Variants in LPP observed in about 807,000 individuals in gnomAD.
The protein encoded by LPP is LIM domain containing preferred translocation partner in lipoma.
LPP carries 38 observed loss-of-function variants against 60.4 expected under a neutral mutation model. The ratio of observed to expected loss-of-function variants is 0.63; its 90% CI spans 0.49 to 0.83. The LOEUF (loss-of-function observed/expected upper bound fraction) is 0.83, where lower values mean the gene tolerates loss of function less well. LPP is among the 40% of genes least tolerant of loss of function. The pLI, the probability that LPP is intolerant of heterozygous loss-of-function variation, is 0.00. For missense variants in LPP, 902 were observed against 783.6 expected, an observed-to-expected ratio of 1.15 and a Z score of -1.80; for synonymous variants, 328 against 290.8, an observed-to-expected ratio of 1.13 and a Z score of -1.30.
rs773185256 is a variant in LPP, at chr3:188,836,604, T to G, written c.1411-29596T>G. 3.3e-5 allele frequency among the ~76,000 whole-genome samples: 5 copies of G among 152,232 alleles called. 1 individual carries two copies. Among genetic ancestry groups the G allele is most frequent in the Non-Finnish European group, 7.3e-5 (5 of 68,032 alleles). On this transcript the variant is annotated intron_variant, in intron 9 of 11. Coordinates refer to ENST00000617246, the MANE Select transcript of LPP (RefSeq NM_001375462.1). ...TGAATGCATGGATGAATTTTTCAGT[T>G]TGATTCCGTGAGCTGCTTAATTCTA...
At chr3:188,441,507 A>G (rs1452291496) in intron 4 of LPP, among the ~76,000 whole-genome samples, 1 of 151,224 alleles carries the variant, frequency 6.6e-6, no homozygotes, top group Admixed American at 6.6e-5. Context: ...TCTGATTACT[A>G]GTCCCTGGAA....
intron 1 of LPP, among the ~76,000 whole-genome samples, chr3:188,208,777 T>G (rs1432482663): frequency 6.6e-6 from 1 of 152,242 alleles, no homozygotes; most frequent in Non-Finnish European, 1.5e-5. Context: ...GCTGCTGAGC[T>G]TTGAACTGCA....
chr3:188,621,808 C>T lies in LPP; in HGVS notation c.1113+11964C>T, dbSNP rs150377208. On this transcript the variant is annotated intron_variant, in intron 7 of 11. Coordinates refer to ENST00000617246, the MANE Select transcript of LPP (RefSeq NM_001375462.1). Reference sequence around the variant, plus strand: ...CTGAGTAGCTGGGATTACAGGCATGCACCACCACGCCCAGCTACTTTTTGT... The same window carrying T: ...CTGAGTAGCTGGGATTACAGGCATGTACCACCACGCCCAGCTACTTTTTGT... 2.0e-5 allele frequency among the ~76,000 whole-genome samples: 3 copies of T among 152,132 alleles called. No individual in the cohort carries two copies. The East Asian group carries it at 5.8e-4, about 30-fold the overall frequency.
rs138733133 is a variant in LPP at position 188,471,647 on chromosome 3, T to G, written c.194-12945T>G. ...CCTATCTAAATTCAGATTTGAGCAC[T>G]GAGCTAGAGGTTCATTTGATGATGC... On this transcript the variant is annotated intron_variant, in intron 4 of 11. Transcript: ENST00000617246. 2.6e-5 allele frequency among the ~76,000 whole-genome samples: 4 copies of G among 152,344 alleles called. No individual in the cohort carries two copies. The East Asian group carries it at 7.7e-4, about 29-fold the overall frequency.
At chr3:188,540,103 G>C (rs1446055846) in intron 6 of LPP, among the ~76,000 whole-genome samples, 1 of 152,134 alleles carries the variant, frequency 6.6e-6, no homozygotes, top group African/African-American at 2.4e-5. Flanking sequence ...AATGACCTTG[G>C]AACATGACCT....
Position 188,550,577 on chromosome 3 carries a change from C to CAAAAAAAAAAA in LPP, c.429+25803_429+25813dup, listed in dbSNP as rs67052080. On this transcript the variant is annotated intron_variant, in intron 6 of 11. Transcript: ENST00000617246. ...TGGGTGACAGAGCAAGACTCCATCT[C>CAAAAAAAAAAA]AAAAAAAAAAAAAAAAAAAAAAATC... 1.2e-3 allele frequency among the ~76,000 whole-genome samples: 79 copies of CAAAAAAAAAAA among 66,904 alleles called. 6 individuals are homozygous for CAAAAAAAAAAA. Among genetic ancestry groups the CAAAAAAAAAAA allele is most frequent in the African/African-American group, 4.9e-3 (77 of 15,658 alleles). The allele number at this position is 66,904 out of a possible 152,430, so 43.9% of individuals were successfully genotyped here. A position where few individuals can be genotyped will look rare whatever the true frequency, so the allele number is the denominator to read the frequency against.
chr3:188,273,618 G>A (rs1316428490), intron 2 of LPP, among the ~76,000 whole-genome samples: 4 of 85,656 alleles, frequency 4.7e-5, no homozygotes, highest in African/African-American at 4.5e-5. Context: ...TTTTTGAGAC[G>A]GAGTTTCACT....
At chr3:188,338,527 G>A (rs149220246) in intron 2 of LPP, among the ~76,000 whole-genome samples, 1 of 152,302 alleles carries the variant, frequency 6.6e-6, no homozygotes, top group East Asian at 1.9e-4. Flanking sequence ...TGGGATAACT[G>A]TGAAAAGAGA....
At chr3:188,525,390 A>T (rs1398813784) in intron 6 of LPP, among the ~76,000 whole-genome samples, 1 of 152,258 alleles carries the variant, frequency 6.6e-6, no homozygotes, top group Non-Finnish European at 1.5e-5. Context: ...CTTTAAAAAT[A>T]ACACAACATC....
chr3:188,404,606 A>G lies in LPP; in HGVS notation c.-9-1506A>G, dbSNP rs544953211. ...AGGCGATGCCGTTCAAAGTCATGCC[A>G]CTTGTTGGTGGTGTGGACTGATGTG... On this transcript the variant is annotated intron_variant, in intron 3 of 11. Coordinates refer to ENST00000617246, the MANE Select transcript of LPP (RefSeq NM_001375462.1). 1.4e-4 allele frequency among the ~76,000 whole-genome samples: 21 copies of G among 152,198 alleles called. No homozygotes were observed. In the South Asian group the frequency reaches 3.9e-3, roughly 29 times the overall value.
At chr3:188,455,894 T>A (rs574559439) in intron 4 of LPP, among the ~76,000 whole-genome samples, 12 of 151,074 alleles carry the variant, frequency 7.9e-5, no homozygotes, top group African/African-American at 2.2e-4. Context: ...AAAAAAAATT[T>A]TTTTATTTGT....
chr3:188,393,794 G>A (rs912745377), intron 3 of LPP, among the ~76,000 whole-genome samples: 2 of 152,098 alleles, frequency 1.3e-5, no homozygotes, highest in Admixed American at 1.3e-4. Context: ...TGTGTATTAG[G>A]TCCTAGGAAT....
At chr3:188,414,364 A>T (rs1785624771) in intron 4 of LPP, among the ~76,000 whole-genome samples, 2 of 152,274 alleles carry the variant, frequency 1.3e-5, no homozygotes, top group African/African-American at 4.8e-5. Context: ...GGATTTCAGT[A>T]TTGTGGATTA....
chr3:188,730,850 A>G lies in LPP; in HGVS notation c.1240+22457A>G, dbSNP rs796273057. Among the ~76,000 whole-genome samples, 26 of 152,238 alleles carry G rather than the reference A, an allele frequency of 1.7e-4. 1 individual carries two copies. Among genetic ancestry groups the G allele is most frequent in the African/African-American group, 6.3e-4 (26 of 41,538 alleles). ...TTTTTCTGACTTCTAAAAACTGACCACATTCCTTGACTTGTGGCCCTCTTT... is the reference window on the plus strand; with the variant it reads ...TTTTTCTGACTTCTAAAAACTGACCGCATTCCTTGACTTGTGGCCCTCTTT... On this transcript the variant is annotated intron_variant, in intron 8 of 11. Transcript: ENST00000617246.
chr3:188,409,276 C>T (rs939053551), intron 4 of LPP, among the ~76,000 whole-genome samples: 3 of 152,086 alleles, frequency 2.0e-5, no homozygotes, highest in Non-Finnish European at 4.4e-5. Flanking sequence ...ATATAATAAC[C>T]TTTACCTTTT....
chr3:188,542,862 A>G (rs547172781), intron 6 of LPP, among the ~76,000 whole-genome samples: 1 of 152,172 alleles, frequency 6.6e-6, no homozygotes, highest in Non-Finnish European at 1.5e-5. Flanking sequence ...TTGTACATAG[A>G]TCGAAATCTA....
At chr3:188,501,515 C>T (rs906054441) in intron 5 of LPP, among the ~76,000 whole-genome samples, 7 of 150,660 alleles carry the variant, frequency 4.6e-5, no homozygotes, top group South Asian at 2.1e-4. Flanking sequence ...TTTGAGAGGC[C>T]GAGGCGGGTG....
rs999917573 is a variant in LPP at position 188,603,352 on chromosome 3, T to G, written c.430-5809T>G. Among the ~76,000 whole-genome samples the G allele has an allele frequency of 2.6e-3, 80 of 30,312 alleles. No individual in the cohort carries two copies. The East Asian group carries it at 0.065, about 24-fold the overall frequency. 19.9% of individuals were successfully genotyped at this position (30,312 alleles called of 152,430 possible). A position where few individuals can be genotyped will look rare whatever the true frequency, so the allele number is the denominator to read the frequency against. On this transcript the variant is annotated intron_variant, in intron 6 of 11. Transcript: ENST00000617246. ...ATAGACTGATAAAGAATTTTGTGGT[T>G]TTTTTTTTTTTAACATGTCAACTAT...
chr3:188,700,822 C>T, intron 7 of LPP, among the ~76,000 whole-genome samples: 1 of 152,124 alleles, frequency 6.6e-6, no homozygotes, highest in East Asian at 1.9e-4. Flanking sequence ...TACAAAGGAT[C>T]TGTAAATATG....
Sources: allele counts gnomAD v4.1 joint callset (sites outside exome capture counted in the v4.1 genomes callset), GRCh38; gene constraint gnomAD v4.1.1; transcripts MANE v1.5; gene names NCBI Gene and HGNC (gene_info 2026-07-23, HGNC 2026-07-21).